RBFOX1: variants seen among roughly 807,000 people sequenced by gnomAD.
RBFOX1 encodes the protein RNA binding fox-1 homolog 1.
RBFOX1 carries 8 observed loss-of-function variants against 57.7 expected under a neutral mutation model. The ratio of observed to expected loss-of-function variants is 0.14; its 90% CI spans 0.08 to 0.25. The LOEUF is 0.25. Among genes scored for constraint, RBFOX1 ranks in the 10% least tolerant of loss-of-function variants. The pLI is 1.00. For missense variants in RBFOX1, 611 were observed against 548.5 expected (o/e 1.11, Z -1.14); for synonymous variants, 326 against 222.4 (o/e 1.47, Z -4.15).
intron 1 of RBFOX1, among the ~76,000 whole-genome samples, chr16:5,274,796 G>C (rs569065946): frequency 6.6e-6 from 1 of 152,184 alleles, no homozygotes; most frequent in Non-Finnish European, 1.5e-5. Flanking sequence ...TCTGTCTCTG[G>C]CAGAGCCAGC....
chr16:6,875,358 A>T (rs552629692), intron 3 of RBFOX1, among the ~76,000 whole-genome samples: 1 of 152,082 alleles, frequency 6.6e-6, no homozygotes, highest in South Asian at 2.1e-4. Context: ...CACAGCTTTG[A>T]CCTCTCCTGT....
chr16:6,593,104 A>G (rs1304375570), intron 2 of RBFOX1, among the ~76,000 whole-genome samples: 1 of 152,172 alleles, frequency 6.6e-6, no homozygotes, highest in Non-Finnish European at 1.5e-5. Context: ...AGGCAGGAGA[A>G]TCACTTGAGC....
chr16:5,916,059 T>C (rs1187682497), intron 4 of RBFOX1, among the ~76,000 whole-genome samples: 3 of 152,090 alleles, frequency 2.0e-5, no homozygotes, highest in African/African-American at 7.2e-5. Context: ...TAAGATTGGA[T>C]TGTGCAGATT....
intron 3 of RBFOX1, among the ~76,000 whole-genome samples, chr16:5,782,836 A>G (rs1219767581): frequency 1.3e-5 from 2 of 152,310 alleles, no homozygotes; most frequent in Admixed American, 6.5e-5. Context: ...TCCCAGTTGG[A>G]GGGTATGAGA....
intron 4 of RBFOX1, among the ~76,000 whole-genome samples, chr16:5,899,953 G>A (rs1338667039): frequency 6.6e-6 from 1 of 152,082 alleles, no homozygotes; most frequent in Non-Finnish European, 1.5e-5. Flanking sequence ...CAGACCTGTC[G>A]TCCCAGCTAC....
At chr16:7,400,591 A>T (rs536283812) in intron 4 of RBFOX1, among the ~76,000 whole-genome samples, 4 of 152,294 alleles carry the variant, frequency 2.6e-5, no homozygotes, top group African/African-American at 9.6e-5. Flanking sequence ...CAGCAAGAAG[A>T]AATTTGGAAA....
chr16:7,053,503 A>C (rs80162417), intron 4 of RBFOX1, among the ~76,000 whole-genome samples: 2,905 of 152,324 alleles, frequency 0.019, 91 homozygotes, highest in African/African-American at 0.065. Flanking sequence ...GGTCAGAGCT[A>C]GATAAAGAGA....
intron 1 of RBFOX1, among the ~76,000 whole-genome samples, chr16:5,258,874 C>A (rs575333109): frequency 1.2e-4 from 19 of 152,112 alleles, no homozygotes; most frequent in Admixed American, 1.0e-3. Context: ...TAAGATTGCA[C>A]CACTGCACAC....
At chr16:6,937,741 G>C (rs938264455) in intron 3 of RBFOX1, among the ~76,000 whole-genome samples, 3 of 152,066 alleles carry the variant, frequency 2.0e-5, no homozygotes, top group African/African-American at 4.8e-5. Context: ...TAGGATAAGG[G>C]GTTGTGGAGA....
intron 13 of RBFOX1, among the ~76,000 whole-genome samples, chr16:7,670,543 G>A (rs955778127): frequency 6.6e-6 from 1 of 152,106 alleles, no homozygotes; most frequent in Admixed American, 6.6e-5. Flanking sequence ...TAACGGGGTG[G>A]TTAGACCACT....
chr16:7,071,758 T>G (rs968610563), intron 4 of RBFOX1, among the ~76,000 whole-genome samples: 1 of 152,120 alleles, frequency 6.6e-6, no homozygotes, highest in African/African-American at 2.4e-5. Flanking sequence ...TAAATATCAC[T>G]TAGACATCTT....
At chr16:6,839,252 T>G (rs1214562537) in intron 3 of RBFOX1, among the ~76,000 whole-genome samples, 1 of 152,148 alleles carries the variant, frequency 6.6e-6, no homozygotes, top group African/African-American at 2.4e-5. Context: ...CCCAAAGTGC[T>G]GGGATTACAG....
chr16:7,486,278 C>A (rs12935242), intron 4 of RBFOX1, among the ~76,000 whole-genome samples: 2 of 151,254 alleles, frequency 1.3e-5, no homozygotes, highest in African/African-American at 4.9e-5. Flanking sequence ...CTCCTGAGAA[C>A]CTGCCACCAC....
At chr16:7,527,592 G>C (rs1475485209) in intron 5 of RBFOX1, among the ~76,000 whole-genome samples, 1 of 152,154 alleles carries the variant, frequency 6.6e-6, no homozygotes, top group Non-Finnish European at 1.5e-5. Flanking sequence ...TCTAGGTACA[G>C]AGCTTGACAT....
At chr16:7,106,227 G>A (rs1021581732) in intron 4 of RBFOX1, among the ~76,000 whole-genome samples, 2 of 152,160 alleles carry the variant, frequency 1.3e-5, no homozygotes, top group African/African-American at 4.8e-5. Context: ...CATAATGACT[G>A]TGTGTGCATG....
intron 4 of RBFOX1, among the ~76,000 whole-genome samples, chr16:7,271,998 A>G (rs1221706578): frequency 6.6e-6 from 1 of 152,094 alleles, no homozygotes; most frequent in East Asian, 1.9e-4. Context: ...ACCTCTTTGA[A>G]GTCATCATAG....
chr16:7,015,661 CAAG>C lies in RBFOX1; in HGVS notation c.-15-36392_-15-36390del, dbSNP rs1348267051. On this transcript the variant is annotated intron_variant, in intron 3 of 15. Transcript: ENST00000550418. The stretch of plus-strand genomic sequence containing the variant: ...TGTTTAAAAGGCTCTTTTGAGCAAA[CAAG>C]AAGTATTTGAAATTTTTTTATGACT... Among the ~76,000 whole-genome samples the C allele has an allele frequency of 6.6e-5, 10 of 152,240 alleles. No homozygotes were observed. The South Asian group carries it at 8.3e-4, about 13-fold the overall frequency.
intron 3 of RBFOX1, among the ~76,000 whole-genome samples, chr16:5,709,245 C>T (rs1328948916): frequency 6.6e-6 from 1 of 152,088 alleles, no homozygotes; most frequent in Non-Finnish European, 1.5e-5. Context: ...TGGTAGAGAA[C>T]ACAGGATGCC....
intron 2 of RBFOX1, among the ~76,000 whole-genome samples, chr16:6,401,804 A>T (rs2093080228): frequency 6.6e-6 from 1 of 152,054 alleles, no homozygotes; most frequent in Non-Finnish European, 1.5e-5. Context: ...ATAGAAAATG[A>T]TTATTTCTTG....
Sources: allele counts gnomAD v4.1 joint callset (sites outside exome capture counted in the v4.1 genomes callset), GRCh38; gene constraint gnomAD v4.1.1; transcripts MANE v1.5; gene names NCBI Gene and HGNC (gene_info 2026-07-23, HGNC 2026-07-21).